RUFY2: variants seen among roughly 807,000 people sequenced by gnomAD.
RUFY2 encodes the protein RUN and FYVE domain containing 2, also known as RUN and FYVE domain-containing protein 2.
Under a neutral mutation model 94.4 loss-of-function variants are expected in RUFY2, and 49 were observed. That is an observed-to-expected ratio of 0.52 (90% CI 0.41 to 0.66). The LOEUF is 0.66. Among genes scored for constraint, RUFY2 ranks in the 30% least tolerant of loss-of-function variants. The probability of loss-of-function intolerance (pLI) is 0.00; values close to 1 mark genes in which losing one functional copy is unlikely to be tolerated. For missense variants in RUFY2, 541 were observed against 692.8 expected (o/e 0.78, Z 2.46); for synonymous variants, 255 against 235.7 (o/e 1.08, Z -0.75).
At chr10:68,371,838 A>G (rs2048304161) in intron 13 of RUFY2, among the ~76,000 whole-genome samples, 1 of 152,196 alleles carries the variant, frequency 6.6e-6, no homozygotes, top group Admixed American at 6.5e-5. Flanking sequence ...TTCAAATGAC[A>G]GTGTATTTTT....
chr10:68,399,343 C>T (rs1321874673), intron 3 of RUFY2, among the ~76,000 whole-genome samples: 1 of 152,200 alleles, frequency 6.6e-6, no homozygotes, highest in Non-Finnish European at 1.5e-5. Context: ...CCACACCCAG[C>T]CACTTTATAT....
At chr10:68,388,862 AAAG>A (rs1213824123) in intron 7 of RUFY2, among the ~76,000 whole-genome samples, 1 of 151,836 alleles carries the variant, frequency 6.6e-6, no homozygotes, top group Non-Finnish European at 1.5e-5. Context: ...AAAGAAAAGA[AAAG>A]AAAAAGAAAA....
Position 68,345,042 on chromosome 10 carries a change from A to G in RUFY2, c.*726T>C, listed in dbSNP as rs1177364. The stretch of plus-strand genomic sequence containing the variant: ...CACCCCTTAAAAAAACAGCAATTTA[A>G]TGAAACAGCATATGGGAAGATTTAT... On this transcript the variant is annotated 3_prime_UTR_variant, in exon 18 of 18. Transcript: ENST00000602465. 143,246 of 152,230 alleles carry G rather than the reference A, an allele frequency of 0.94. 67,485 individuals are homozygous for G. Among genetic ancestry groups the G allele is most frequent in the East Asian group, 1 (5,180 of 5,182 alleles). 9.4% of individuals were successfully genotyped at this position (152,230 alleles called of 1,614,324 possible).
chr10:68,396,650 G>T, intron 4 of RUFY2, 130 bp downstream of exon 4: 1 of 538,490 alleles, frequency 1.9e-6, no homozygotes, highest in South Asian at 3.1e-5. Flanking sequence ...GTCTCATTTT[G>T]CTCCTCCTCT....
chr10:68,384,098 G>A lies in RUFY2; in HGVS notation c.775C>T (p.Arg259Ter). ...ATTAAAATCAATTTATTTTCACTTCGTAATTGATGATTTTCTTCCTGGAGT... is the reference window on the plus strand; with the variant it reads ...ATTAAAATCAATTTATTTTCACTTCATAATTGATGATTTTCTTCCTGGAGT... The part of the protein sequence containing the change: ...IKLQEENHQL[R>*]SENKLILMKT... The change falls in exon 9 of 18, where the codon CGA (arginine) becomes TGA (stop). Residue 259 changes from arginine (R) to a stop codon, truncating the protein, a stop_gained. Coordinates refer to ENST00000602465, the MANE Select transcript of RUFY2 (RefSeq NM_001330103.2). LOFTEE classifies it high-confidence loss of function. The A allele has an allele frequency of 1.2e-6, 2 of 1,612,604 alleles. No homozygotes were observed. Among genetic ancestry groups the A allele is most frequent in the South Asian group, 1.1e-5 (1 of 90,994 alleles).
intron 15 of RUFY2, among the ~76,000 whole-genome samples, chr10:68,360,905 T>G (rs1236108804): frequency 6.8e-6 from 1 of 146,878 alleles, no homozygotes; most frequent in Non-Finnish European, 1.5e-5. Flanking sequence ...CTCAAATAAA[T>G]AAATAAATAA....
At chr10:68,382,441 G>A (rs2049138091) in intron 10 of RUFY2, among the ~76,000 whole-genome samples, 1 of 151,578 alleles carries the variant, frequency 6.6e-6, no homozygotes, top group African/African-American at 2.4e-5. Context: ...TTGGCCTGGT[G>A]CGGTGGCTCA....
intron 16 of RUFY2, among the ~76,000 whole-genome samples, chr10:68,349,362 A>G (rs1308411540): frequency 6.6e-6 from 1 of 151,932 alleles, no homozygotes; most frequent in African/African-American, 2.4e-5. Context: ...TCTAAAAAAT[A>G]AAATAAAATT....
chr10:68,378,709 G>C (rs1198011038), intron 12 of RUFY2: 1 of 1,514,618 alleles, frequency 6.6e-7, no homozygotes, highest in Non-Finnish European at 9.0e-7. Context: ...GACAGAAAAA[G>C]GTAATAAAAA....
Position 68,406,747 on chromosome 10 carries a change from G to A in RUFY2, c.4+439C>T. 2.5e-6 allele frequency: 4 copies of A among 1,606,458 alleles called. No homozygotes were observed. In the South Asian group the frequency reaches 4.4e-5, roughly 18 times the overall value. ...GGGGCCCCCCAGGACCATCGCGGCG[G>A]GCTCACCCAGGCTCCTGCGCGTCAG... On this transcript the variant is annotated intron_variant, in intron 1 of 17. Transcript: ENST00000602465.
chr10:68,375,961 G>A (rs1353623885), intron 13 of RUFY2, among the ~76,000 whole-genome samples: 2 of 151,922 alleles, frequency 1.3e-5, no homozygotes, highest in African/African-American at 4.8e-5. Context: ...TTAGCCAGGT[G>A]TGGTGGCACA....
chr10:68,386,252 AGT>A, intron 7 of RUFY2, 124 bp from the exon 8 acceptor site: 1 of 610,102 alleles, frequency 1.6e-6, no homozygotes, highest in Non-Finnish European at 2.8e-6. Context: ...CAAATTTCTG[AGT>A]GTGGAAAATT....
intron 3 of RUFY2, among the ~76,000 whole-genome samples, chr10:68,400,699 T>C (rs1176052201): frequency 7.5e-6 from 1 of 133,372 alleles, no homozygotes; most frequent in African/African-American, 2.8e-5. Context: ...AAAATAAAAA[T>C]TAAAAAGAAA....
At chr10:68,376,440 GTGTA>G (rs1274553673) in intron 13 of RUFY2, among the ~76,000 whole-genome samples, 813 of 48,222 alleles carry the variant, frequency 0.017, 36 homozygotes, top group Middle Eastern at 0.048. Context: ...AAAAAAATGT[GTGTA>G]TATATATATA....
chr10:68,383,939 T>C (rs2049284634), intron 9 of RUFY2, 25 bp from the exon 10 acceptor site: 9 of 1,591,918 alleles, frequency 5.7e-6, no homozygotes, highest in Non-Finnish European at 7.7e-6. Flanking sequence ...AAATTTTTCA[T>C]TCTATAATCA....
chr10:68,377,260 C>T (rs112584312), intron 12 of RUFY2: 31 of 1,227,060 alleles, frequency 2.5e-5, no homozygotes, highest in Non-Finnish European at 3.2e-5. Flanking sequence ...GCCTTTACCA[C>T]TTATGCAGAG....
chr10:68,394,527 T>C (rs1420012996), intron 4 of RUFY2, 76 bp from the exon 5 acceptor site: 1 of 1,039,120 alleles, frequency 9.6e-7, no homozygotes, highest in Non-Finnish European at 1.4e-6. Flanking sequence ...CACCATTATC[T>C]TCCTAATCTT....
chr10:68,399,763 G>A (rs769034869), intron 3 of RUFY2, among the ~76,000 whole-genome samples: 3 of 152,136 alleles, frequency 2.0e-5, no homozygotes, highest in Non-Finnish European at 4.4e-5. Flanking sequence ...GAGGCTGGGC[G>A]CTGTGGCTCA....
rs1044849892 is a variant in RUFY2 at position 68,407,254 on chromosome 10, C to T, written c.-65G>A. On this transcript the variant is annotated 5_prime_UTR_variant, in exon 1 of 18. Transcript: ENST00000602465. The stretch of plus-strand genomic sequence containing the variant: ...GGCCTGTCCAGCAGCTCCTTCCAGG[C>T]GCTCGGCGGCCACCACCGCATCTGC... 3.2e-6 allele frequency: 4 copies of T among 1,251,046 alleles called. No homozygotes were observed. Among genetic ancestry groups the T allele is most frequent in the South Asian group, 2.6e-5 (1 of 38,808 alleles). 77.5% of individuals were successfully genotyped at this position (1,251,046 alleles called of 1,614,324 possible). A position where few individuals can be genotyped will look rare whatever the true frequency, so the allele number is the denominator to read the frequency against.
Sources: gnomAD v4.1 joint callset for allele counts (sites outside exome capture counted in the v4.1 genomes callset) on GRCh38, gnomAD v4.1.1 for gene constraint, MANE v1.5 for transcripts, NCBI Gene and HGNC (gene_info 2026-07-23, HGNC 2026-07-21) for gene names.